TENM1: variants seen among roughly 807,000 people sequenced by gnomAD.
TENM1 encodes the protein teneurin-1.
In TENM1, 35 loss-of-function variants were observed where a neutral mutation model predicts 174.8. That is an observed-to-expected ratio of 0.20 (90% CI 0.15 to 0.27). The LOEUF (loss-of-function observed/expected upper bound fraction) is 0.27. Among genes scored for constraint, TENM1 ranks in the 10% least tolerant of loss-of-function variants. TENM1 has a pLI of 1.00. For synonymous variants in TENM1, 781 were observed against 798.7 expected, an observed-to-expected ratio of 0.98 and a Z score of 0.37; for missense variants, 1,633 against 2,130.1, an observed-to-expected ratio of 0.77 and a Z score of 4.59.
chrX:124,819,522 CTAAT>C (rs2055986683), intron 3 of TENM1, among the ~76,000 whole-genome samples: 1 of 110,582 alleles, frequency 9.0e-6, no homozygotes, highest in South Asian at 3.9e-4. Context: ...GTCTTAAACT[CTAAT>C]TATTTCTTTA....
At chrX:124,702,687 G>A (rs1235673095) in intron 5 of TENM1, among the ~76,000 whole-genome samples, 2 of 112,075 alleles carry the variant, frequency 1.8e-5, no homozygotes, top group African/African-American at 6.5e-5. Flanking sequence ...GAGTCAGTCT[G>A]CTCTGGCTTG....
At chrX:124,645,149 C>T (rs1435103115) in exon 10 of TENM1, 14 of 1,209,261 alleles carry the variant, frequency 1.2e-5, no homozygotes, top group Non-Finnish European at 1.5e-5. Flanking sequence ...TGACCTTCCT[C>T]GCATATTTCT....
At chrX:125,068,713 A>T in the TENM1 span, among the ~76,000 whole-genome samples, 1 of 111,721 alleles carries the variant, frequency 9.0e-6, no homozygotes, top group East Asian at 2.9e-4. Flanking sequence ...GTATGAAGAG[A>T]AGTCTAGGAA....
At chrX:125,093,135 AG>A in the TENM1 span, among the ~76,000 whole-genome samples, 171 of 112,449 alleles carry the variant, frequency 1.5e-3, no homozygotes, top group African/African-American at 5.4e-3. Flanking sequence ...TTAGCAGAAT[AG>A]GATTATTGTA....
intron 25 of TENM1, among the ~76,000 whole-genome samples, chrX:124,414,341 C>T (rs1384818439): frequency 1.8e-5 from 2 of 111,462 alleles, no homozygotes; most frequent in African/African-American, 6.5e-5. Context: ...TTTAGTAGAG[C>T]AGAAGCCTTT....
intron 3 of TENM1, among the ~76,000 whole-genome samples, chrX:124,828,898 T>C (rs1246791792): frequency 8.9e-6 from 1 of 112,391 alleles, no homozygotes; most frequent in Non-Finnish European, 1.9e-5. Flanking sequence ...TATATTTATA[T>C]GTTCTTTGGA....
intron 19 of TENM1, among the ~76,000 whole-genome samples, chrX:124,498,719 G>T (rs1245740585): frequency 3.7e-5 from 4 of 109,302 alleles, no homozygotes; most frequent in African/African-American, 6.6e-5. Context: ...TCCCTCCTCT[G>T]TGTGCCCATA....
chrX:124,964,452 T>C (rs1406866626), upstream of TENM1, among the ~76,000 whole-genome samples: 1 of 111,566 alleles, frequency 9.0e-6, no homozygotes, highest in African/African-American at 3.3e-5. Context: ...TTGTTCTTCA[T>C]AGTACTGAGA....
At chrX:124,791,571 C>A (rs965432553) in intron 3 of TENM1, among the ~76,000 whole-genome samples, 1 of 111,333 alleles carries the variant, frequency 9.0e-6, no homozygotes, top group Non-Finnish European at 1.9e-5. Flanking sequence ...CACATACTCA[C>A]GCTCATGCTG....
intron 3 of TENM1, among the ~76,000 whole-genome samples, chrX:124,788,047 A>G (rs2055083367): frequency 9.0e-6 from 1 of 111,206 alleles, no homozygotes; most frequent in African/African-American, 3.3e-5. Flanking sequence ...CGTTTTAAAA[A>G]CCATTAGATC....
At chrX:124,645,438 C>T in intron 9 of TENM1, 101 bp from the exon 13 acceptor site, 1 of 773,205 alleles carries the variant, frequency 1.3e-6, no homozygotes, top group Admixed American at 2.9e-5. Flanking sequence ...AAAAATTGTA[C>T]TATTTCTGTC....
intron 3 of TENM1, among the ~76,000 whole-genome samples, chrX:124,799,504 C>T (rs2055390563): frequency 9.1e-6 from 1 of 109,783 alleles, no homozygotes; most frequent in Admixed American, 9.7e-5. Flanking sequence ...TGTTTTGGGG[C>T]TGAGACAATG....
At chrX:125,120,464 C>T in the TENM1 span, among the ~76,000 whole-genome samples, 64 of 110,307 alleles carry the variant, frequency 5.8e-4, 1 homozygote, top group South Asian at 0.014. Context: ...TAATGCCCTC[C>T]CCCAACCTGC....
intron 3 of TENM1, among the ~76,000 whole-genome samples, chrX:124,851,796 T>G (rs1255731002): frequency 9.0e-6 from 1 of 111,560 alleles, no homozygotes; most frequent in Non-Finnish European, 1.9e-5. Context: ...TAAGTAAGTG[T>G]GCTATCTCCT....
At chrX:125,016,067 T>A in the TENM1 span, among the ~76,000 whole-genome samples, 2 of 111,358 alleles carry the variant, frequency 1.8e-5, no homozygotes. Context: ...AATTTTTTTT[T>A]ATCTACCTTG....
rs778974262 is a variant in TENM1, at chrX:124,517,447, T to C, written c.3301+3070A>G. Among the ~76,000 whole-genome samples, 3 of 108,578 alleles carry C rather than the reference T, an allele frequency of 2.8e-5. No homozygotes were observed. The South Asian group carries it at 1.2e-3, about 45-fold the overall frequency. The allele number at this position is 108,578 out of a possible 115,157, so 94.3% of individuals were successfully genotyped here. A position where few individuals can be genotyped will look rare whatever the true frequency, so the allele number is the denominator to read the frequency against. ...ACAATGATAGACTGGATTAAGAAAA[T>C]GTGGCACACATACACCATGGAATAC... On this transcript the variant is annotated intron_variant, in intron 18 of 31. Coordinates refer to ENST00000422452, the Ensembl canonical transcript of TENM1.
At chrX:125,124,274 T>C in the TENM1 span, among the ~76,000 whole-genome samples, 2 of 112,435 alleles carry the variant, frequency 1.8e-5, no homozygotes, top group Non-Finnish European at 3.8e-5. Flanking sequence ...ACAATTAGTG[T>C]AAAAAATACA....
the TENM1 span, among the ~76,000 whole-genome samples, chrX:124,998,688 C>G: frequency 9.0e-6 from 1 of 111,020 alleles, no homozygotes; most frequent in Non-Finnish European, 1.9e-5. Context: ...GGTTAAATGT[C>G]TGGTTGAGGT....
chrX:124,554,710 G>A (rs2048656034), intron 14 of TENM1, among the ~76,000 whole-genome samples: 1 of 111,460 alleles, frequency 9.0e-6, no homozygotes, highest in African/African-American at 3.3e-5. Flanking sequence ...CTAAACATGA[G>A]GCTCATTGAT....
Sources: gnomAD v4.1 joint callset for allele counts (sites outside exome capture counted in the v4.1 genomes callset) on GRCh38, gnomAD v4.1.1 for gene constraint, MANE v1.5 for transcripts, NCBI Gene and HGNC (gene_info 2026-07-23, HGNC 2026-07-21) for gene names.